CYP2C19: variants seen among roughly 807,000 people sequenced by gnomAD.
The protein encoded by CYP2C19 is cytochrome P450 2C19.
A neutral mutation model predicts 40.9 loss-of-function variants in CYP2C19; 59 were observed. That is an observed-to-expected ratio of 1.44 (90% confidence interval 1.17 to 1.79). The LOEUF (loss-of-function observed/expected upper bound fraction) is 1.79, where lower values mean the gene tolerates loss of function less well. CYP2C19 is among the 40% of genes most tolerant of loss of function. CYP2C19 has a pLI of 0.00. For synonymous variants in CYP2C19, 253 were observed against 208.7 expected, an observed-to-expected ratio of 1.21 and a Z score of -1.83; for missense variants, 754 against 596.9, an observed-to-expected ratio of 1.26 and a Z score of -2.74.
rs200684934 is a variant in CYP2C19, at chr10:94,835,769, GTA to G, written c.962-7058_962-7057del. ...AGACTAGGTAAGCATACTTAGATCT[GTA>G]TATATATATTTACCCTTTTTCCTTT... On this transcript the variant is annotated intron_variant, in intron 6 of 8. Coordinates refer to ENST00000371321, the MANE Select transcript of CYP2C19 (RefSeq NM_000769.4). 4.6e-3 allele frequency among the ~76,000 whole-genome samples: 707 copies of G among 152,130 alleles called. 3 individuals carry two copies. The highest frequency in any genetic ancestry group is 0.016 in the African/African-American group (684 of 41,494).
intron 3 of CYP2C19, among the ~76,000 whole-genome samples, chr10:94,779,170 G>A (rs187532815): frequency 1.3e-5 from 2 of 152,194 alleles, no homozygotes; most frequent in East Asian, 1.9e-4. Context: ...TGCATGTGGA[G>A]CTTAAAACCT....
At chr10:94,788,082 C>T (rs1848565417) in intron 5 of CYP2C19, among the ~76,000 whole-genome samples, 2 of 151,044 alleles carry the variant, frequency 1.3e-5, no homozygotes, top group African/African-American at 4.9e-5. Flanking sequence ...AGACCGTTTG[C>T]CCCTTTGTTA....
Position 94,849,985 on chromosome 10 carries a change from G to A in CYP2C19, c.1218G>A (p.Met406Ile), listed in dbSNP as rs754905376. Residue 406 changes from methionine to isoleucine, a missense_variant, in exon 8 of 9, where the codon ATG (methionine) becomes ATA (isoleucine). Transcript: ENST00000371321. ...ACAAAGAATTTCCCAACCCAGAGAT[G>A]TTTGACCCTCGTCACTTTCTGGATG... ...HDNKEFPNPEMFDPRHFLDEG... is the reference protein window; with the variant it reads ...HDNKEFPNPEIFDPRHFLDEG... 16 of 1,613,732 alleles carry A rather than the reference G, an allele frequency of 9.9e-6. No individual in the cohort carries two copies. The highest frequency in any genetic ancestry group is 1.2e-5 in the Non-Finnish European group (14 of 1,179,774).
At chr10:94,833,378 G>A (rs1849358780) in intron 6 of CYP2C19, among the ~76,000 whole-genome samples, 2 of 151,954 alleles carry the variant, frequency 1.3e-5, no homozygotes, top group African/African-American at 4.8e-5. Flanking sequence ...CACTCAGTAT[G>A]GTACTAGTAG....
chr10:94,832,507 A>T (rs1033854949), intron 6 of CYP2C19, among the ~76,000 whole-genome samples: 4 of 152,106 alleles, frequency 2.6e-5, no homozygotes, highest in African/African-American at 9.7e-5. Flanking sequence ...ACAATTCAAG[A>T]TGAGATTTGG....
At chr10:94,789,659 T>A (rs1848582028) in intron 5 of CYP2C19, among the ~76,000 whole-genome samples, 1 of 152,066 alleles carries the variant, frequency 6.6e-6, no homozygotes, top group Non-Finnish European at 1.5e-5. Context: ...GCTGTAGATG[T>A]GTGGTGTTAT....
At chr10:94,770,070 G>A (rs571689831) in intron 1 of CYP2C19, among the ~76,000 whole-genome samples, 9 of 152,258 alleles carry the variant, frequency 5.9e-5, no homozygotes, top group African/African-American at 2.2e-4. Context: ...CCGTCATCCA[G>A]GACAGGAGAT....
chr10:94,850,792 T>C (rs1402615913), intron 8 of CYP2C19, among the ~76,000 whole-genome samples: 3 of 152,160 alleles, frequency 2.0e-5, no homozygotes, highest in Admixed American at 2.0e-4. Flanking sequence ...TTAAAACCTT[T>C]GCCAAATAAC....
chr10:94,787,387 G>A lies in CYP2C19; in HGVS notation c.819+5390G>A, dbSNP rs561711147. ...TTGTCTAAGTACCTTATAGATTCTCGCTATTGGACCATTGTTAGAATCACA... is the reference window on the plus strand; with the variant it reads ...TTGTCTAAGTACCTTATAGATTCTCACTATTGGACCATTGTTAGAATCACA... On this transcript the variant is annotated intron_variant, in intron 5 of 8. Coordinates refer to ENST00000371321, the MANE Select transcript of CYP2C19 (RefSeq NM_000769.4). 4.5e-4 allele frequency among the ~76,000 whole-genome samples: 68 copies of A among 152,066 alleles called. 2 individuals are homozygous for A. The East Asian group carries it at 6.0e-3, about 13-fold the overall frequency.
chr10:94,803,482 C>T (rs1848793487), intron 5 of CYP2C19, among the ~76,000 whole-genome samples: 1 of 152,178 alleles, frequency 6.6e-6, no homozygotes, highest in African/African-American at 2.4e-5. Flanking sequence ...TTTGTTTCCT[C>T]AGGCAATCTG....
intron 1 of CYP2C19, among the ~76,000 whole-genome samples, chr10:94,765,983 G>A (rs1848236393): frequency 6.6e-6 from 1 of 152,122 alleles, no homozygotes; most frequent in African/African-American, 2.4e-5. Flanking sequence ...TGTGTAATAG[G>A]TGAGGTTGGA....
intron 5 of CYP2C19, among the ~76,000 whole-genome samples, chr10:94,797,438 T>C (rs1423272147): frequency 6.6e-6 from 1 of 152,084 alleles, no homozygotes; most frequent in East Asian, 1.9e-4. Flanking sequence ...TTCAGGCATA[T>C]TGGCCTGAAA....
At chr10:94,771,470 G>T (rs553130209) in intron 1 of CYP2C19, among the ~76,000 whole-genome samples, 10 of 152,230 alleles carry the variant, frequency 6.6e-5, no homozygotes, top group South Asian at 2.1e-4. Context: ...TGGTCAAGTT[G>T]CAGGATAGCA....
At position 94,820,655 on chromosome 10, in the gene CYP2C19, G is replaced by T; in HGVS notation, c.961+18G>T. On this transcript the variant is annotated intron_variant, in intron 6 of 8. Transcript: ENST00000371321. ...GGTCACAGGTATGATCACAGAGGAT[G>T]AGTTAATTGAGTTTTAGGAAAGATG... 2 of 1,614,066 alleles carry T rather than the reference G, an allele frequency of 1.2e-6. No homozygotes were observed. The highest frequency in any genetic ancestry group is 1.7e-6 in the Non-Finnish European group (2 of 1,179,974).
intron 1 of CYP2C19, among the ~76,000 whole-genome samples, chr10:94,763,304 G>T (rs1848197888): frequency 6.6e-6 from 1 of 152,148 alleles, no homozygotes; most frequent in Non-Finnish European, 1.5e-5. Context: ...TATGCCTGTT[G>T]TAAAGGAAGC....
At chr10:94,830,544 C>T (rs981303634) in intron 6 of CYP2C19, among the ~76,000 whole-genome samples, 4 of 152,174 alleles carry the variant, frequency 2.6e-5, no homozygotes, top group Admixed American at 6.5e-5. Context: ...CACTGACCTG[C>T]GCCCACTGTC....
Position 94,846,379 on chromosome 10 carries a change from C to T in CYP2C19, c.1149+3355C>T, listed in dbSNP as rs114231030. On this transcript the variant is annotated intron_variant, in intron 7 of 8. Coordinates refer to ENST00000371321, the MANE Select transcript of CYP2C19 (RefSeq NM_000769.4). ...ATTCCACTGAATCACAGTGGTGAGG[C>T]AGAGGCACATAATGTTACATATGCT... Among the ~76,000 whole-genome samples, 475 of 152,266 alleles carry T rather than the reference C, an allele frequency of 3.1e-3. 3 individuals carry two copies. Among genetic ancestry groups the T allele is most frequent in the African/African-American group, 0.011 (452 of 41,568 alleles).
At chr10:94,815,207 T>C (rs1008254226) in intron 5 of CYP2C19, among the ~76,000 whole-genome samples, 11 of 151,594 alleles carry the variant, frequency 7.3e-5, no homozygotes, top group African/African-American at 2.4e-4. Context: ...ATTTTCAACA[T>C]GGCAAGCTTA....
At chr10:94,776,734 C>T (rs1848412368) in intron 3 of CYP2C19, among the ~76,000 whole-genome samples, 1 of 152,016 alleles carries the variant, frequency 6.6e-6, no homozygotes, top group Admixed American at 6.6e-5. Flanking sequence ...CCTTTGAAAA[C>T]CAGAGCAAGA....
Sources: allele counts gnomAD v4.1 joint callset (sites outside exome capture counted in the v4.1 genomes callset), GRCh38; gene constraint gnomAD v4.1.1; transcripts MANE v1.5; gene names NCBI Gene and HGNC (gene_info 2026-07-23, HGNC 2026-07-21).